Variants in CEP97 observed in about 807,000 individuals in gnomAD.
CEP97 encodes centrosomal protein 97.
A neutral mutation model predicts 73.1 loss-of-function variants in CEP97; 43 were observed. The observed-to-expected ratio is 0.59, with a 90% CI of 0.46 to 0.76. The LOEUF (loss-of-function observed/expected upper bound fraction) is 0.76, where lower values mean the gene tolerates loss of function less well. CEP97 is among the 30% of genes least tolerant of loss of function. The pLI is 0.00. For missense variants in CEP97, 939 were observed against 1,014.0 expected (o/e 0.93, Z 1.00); for synonymous variants, 337 against 370.0 (o/e 0.91, Z 1.02).
chr3:101,753,578 T>A (rs1358265500), intron 6 of CEP97, among the ~76,000 whole-genome samples: 1 of 152,248 alleles, frequency 6.6e-6, no homozygotes, highest in Non-Finnish European at 1.5e-5. Context: ...TTCCGGCTGC[T>A]TTGTTTACCT....
In CEP97 at chr3:101,758,373, G is replaced by T; in HGVS notation, c.1767G>T (p.Arg589=). Reference sequence around the variant, plus strand: ...CCAAAGATGTGCGTTACGAAATCCGGCTACGCAGAATGCAAGAGCACATTG... The same window carrying T: ...CCAAAGATGTGCGTTACGAAATCCGTCTACGCAGAATGCAAGAGCACATTG... The part of the protein sequence containing the change: ...PQAKDVRYEI[R]LRRMQEHIVC... The change falls in exon 9 of 11, where the codon CGG becomes CGT. Residue 589 remains arginine, a synonymous_variant. Transcript: ENST00000341893. 6.2e-7 allele frequency: 1 copy of T among 1,614,148 alleles called. No homozygotes were observed. Among genetic ancestry groups the T allele is most frequent in the Admixed American group, 1.7e-5 (1 of 60,022 alleles).
chr3:101,729,012 A>C, intron 4 of CEP97, 75 bp downstream of exon 4: 1 of 842,482 alleles, frequency 1.2e-6, no homozygotes, highest in Non-Finnish European at 2.0e-6. Context: ...CTGACCTAAA[A>C]TTAGCCTGCT....
At chr3:101,758,502 G>A (rs1465970399) in intron 9 of CEP97, 79 bp downstream of exon 9, 1 of 1,518,012 alleles carries the variant, frequency 6.6e-7, no homozygotes, top group Admixed American at 1.8e-5. Context: ...AGAACACTGT[G>A]CTTCTGTGAT....
chr3:101,764,949 C>T lies in CEP97; in HGVS notation c.1996C>T (p.Pro666Ser), dbSNP rs376746871. 6.2e-7 allele frequency: 1 copy of T among 1,614,042 alleles called. No homozygotes were observed. Among genetic ancestry groups the T allele is most frequent in the African/African-American group, 1.3e-5 (1 of 74,926 alleles). ...AAGTACTCTTGTGCCATCGAAACAT[C>T]CATTATTTACCCAAAGCCAGGAGTC... ...ISSTLVPSKH[P>S]LFTQSQESSC... Residue 666 changes from proline to serine, a missense_variant, in exon 11 of 11, where the codon CCA (proline) becomes TCA (serine). By Grantham distance (74) the Pro-to-Ser change is moderately conservative. Transcript: ENST00000341893.
intron 6 of CEP97, among the ~76,000 whole-genome samples, chr3:101,740,511 G>A (rs946113679): frequency 6.6e-6 from 1 of 151,664 alleles, no homozygotes; most frequent in African/African-American, 2.4e-5. Flanking sequence ...TGCATAGGAA[G>A]AATCAATATT....
At chr3:101,726,074 G>T (rs952625994) in intron 1 of CEP97, among the ~76,000 whole-genome samples, 1 of 152,156 alleles carries the variant, frequency 6.6e-6, no homozygotes, top group Non-Finnish European at 1.5e-5. Flanking sequence ...CCGGTGGCAG[G>T]AACGGGGCTA....
intron 6 of CEP97, among the ~76,000 whole-genome samples, chr3:101,743,889 A>G (rs570923311): frequency 2.6e-5 from 4 of 151,928 alleles, no homozygotes; most frequent in Non-Finnish European, 4.4e-5. Flanking sequence ...CTATAATCCC[A>G]GCTACTTGGG....
At chr3:101,739,762 C>T (rs369074639) in intron 6 of CEP97, among the ~76,000 whole-genome samples, 1 of 151,908 alleles carries the variant, frequency 6.6e-6, no homozygotes, top group Admixed American at 6.6e-5. Flanking sequence ...AAAAATTAGC[C>T]AGAGGTGGTG....
In CEP97 at chr3:101,755,427, C is replaced by T. The variant is rs200968628; in HGVS notation, c.729-3C>T. The stretch of plus-strand genomic sequence containing the variant: ...TCCTCTTTTTTATGTTCCCCAATTC[C>T]AGTTTGAAAGCTGAATGGCTCTATA... On this transcript the variant is annotated splice_polypyrimidine_tract_variant and splice_region_variant and intron_variant, in intron 6 of 10. Coordinates refer to ENST00000341893, the MANE Select transcript of CEP97 (RefSeq NM_024548.4). The T allele has an allele frequency of 3.1e-6, 5 of 1,613,492 alleles. No individual in the cohort carries two copies. The Middle Eastern group carries it at 4.9e-4, about 160-fold the overall frequency.
Position 101,732,642 on chromosome 3 carries a change from C to T in CEP97, c.716C>T (p.Ser239Phe), listed in dbSNP as rs1204708991. ...NLRVLDGYVISQKESLKAEWL... is the reference protein window; with the variant it reads ...NLRVLDGYVIFQKESLKAEWL... Reference sequence around the variant, plus strand: ...AGAGTCCTAGATGGATATGTGATTTCTCAGAAGGAAAGGTAAACATGTGCT... The same window carrying T: ...AGAGTCCTAGATGGATATGTGATTTTTCAGAAGGAAAGGTAAACATGTGCT... Residue 239 changes from serine (S) to phenylalanine (F), a missense_variant, in exon 6 of 11, where the codon TCT becomes TTT. Coordinates refer to ENST00000341893, the MANE Select transcript of CEP97 (RefSeq NM_024548.4). The T allele has an allele frequency of 4.4e-6, 7 of 1,605,330 alleles. No individual in the cohort carries two copies. Among genetic ancestry groups the T allele is most frequent in the Non-Finnish European group, 6.0e-6 (7 of 1,174,414 alleles).
rs1939380670 is a variant in CEP97 at position 101,768,739 on chromosome 3, A to G, written c.*3188A>G. On this transcript the variant is annotated 3_prime_UTR_variant, in exon 11 of 11. Coordinates refer to ENST00000341893, the MANE Select transcript of CEP97 (RefSeq NM_024548.4). ...GTCCATTTATTTGACGACAGGCAGTATGACAGGTTGCTGAGGTATATAAAA... is the reference window on the plus strand; with the variant it reads ...GTCCATTTATTTGACGACAGGCAGTGTGACAGGTTGCTGAGGTATATAAAA... 6.6e-6 allele frequency: 1 copy of G among 152,212 alleles called. No homozygotes were observed. The highest frequency in any genetic ancestry group is 2.4e-5 in the African/African-American group (1 of 41,450). 9.4% of individuals were successfully genotyped at this position (152,212 alleles called of 1,614,324 possible). A position where few individuals can be genotyped will look rare whatever the true frequency, so the allele number is the denominator to read the frequency against.
intron 6 of CEP97, among the ~76,000 whole-genome samples, chr3:101,751,615 T>C (rs1204332114): frequency 6.6e-6 from 1 of 152,244 alleles, no homozygotes; most frequent in Non-Finnish European, 1.5e-5. Context: ...GGTGCATATA[T>C]ATTTAGGATA....
Position 101,758,402 on chromosome 3 carries a change from G to C in CEP97, c.1796G>C (p.Cys599Ser). ...CGCAGAATGCAAGAGCACATTGTCTGCTTAACTGATGAAATAAGGAGGTGG... is the reference window on the plus strand; with the variant it reads ...CGCAGAATGCAAGAGCACATTGTCTCCTTAACTGATGAAATAAGGAGGTGG... The part of the protein sequence containing the change: ...RLRRMQEHIV[C>S]LTDEIRRLRK... Residue 599 changes from cysteine to serine, a missense_variant, in exon 9 of 11, where the codon TGC (cysteine) becomes TCC (serine). Coordinates refer to ENST00000341893, the MANE Select transcript of CEP97 (RefSeq NM_024548.4). 6.2e-7 allele frequency: 1 copy of C among 1,614,074 alleles called. No individual in the cohort carries two copies. The highest frequency in any genetic ancestry group is 8.5e-7 in the Non-Finnish European group (1 of 1,180,018).
At chr3:101,741,426 T>G (rs1419460436) in intron 6 of CEP97, among the ~76,000 whole-genome samples, 1 of 152,162 alleles carries the variant, frequency 6.6e-6, no homozygotes, top group Admixed American at 6.5e-5. Context: ...TAGGATCTAA[T>G]TAAACTAAAG....
In CEP97 at chr3:101,767,125, G is replaced by T. The variant is rs1478163122; in HGVS notation, c.*1574G>T. On this transcript the variant is annotated 3_prime_UTR_variant, in exon 11 of 11. Coordinates refer to ENST00000341893, the MANE Select transcript of CEP97 (RefSeq NM_024548.4). ...TGTTGATAGTCATAACATTTTTCCT[G>T]TATGGTAAGACGTATTTTTCTCAGT... 6.6e-6 allele frequency: 1 copy of T among 152,148 alleles called. No homozygotes were observed. The highest frequency in any genetic ancestry group is 1.5e-5 in the Non-Finnish European group (1 of 68,030). The allele number at this position is 152,148 out of a possible 1,614,324, so 9.4% of individuals were successfully genotyped here. A position where few individuals can be genotyped will look rare whatever the true frequency, so the allele number is the denominator to read the frequency against.
chr3:101,747,117 G>GT (rs1938641283), intron 6 of CEP97, among the ~76,000 whole-genome samples: 1 of 150,112 alleles, frequency 6.7e-6, no homozygotes, highest in Admixed American at 6.7e-5. Flanking sequence ...GGAAGTCAGT[G>GT]TGGCGATTCC....
intron 6 of CEP97, among the ~76,000 whole-genome samples, chr3:101,740,399 C>A (rs1348271786): frequency 1.3e-5 from 2 of 152,106 alleles, no homozygotes; most frequent in African/African-American, 2.4e-5. Context: ...CCTAGGAATA[C>A]AACTTACAAG....
At position 101,761,375 on chromosome 3, in the gene CEP97, T is replaced by C. The variant is rs149069888; in HGVS notation, c.1818-1110T>C. ...GGGTGAGACTATGAGAATGGGTGACTGACATGGGGTGGATTATTGTTAGAG... is the reference window on the plus strand; with the variant it reads ...GGGTGAGACTATGAGAATGGGTGACCGACATGGGGTGGATTATTGTTAGAG... On this transcript the variant is annotated intron_variant, in intron 9 of 10. Coordinates refer to ENST00000341893, the MANE Select transcript of CEP97 (RefSeq NM_024548.4). 4.2e-3 allele frequency among the ~76,000 whole-genome samples: 640 copies of C among 152,268 alleles called. 4 individuals carry two copies. Among genetic ancestry groups the C allele is most frequent in the African/African-American group, 0.015 (619 of 41,560 alleles).
intron 6 of CEP97, among the ~76,000 whole-genome samples, chr3:101,752,967 G>C (rs1443649060): frequency 1.3e-5 from 2 of 152,170 alleles, no homozygotes; most frequent in African/African-American, 2.4e-5. Context: ...GAGGAGAGGT[G>C]CTCTGGTTTT....
Sources: allele counts gnomAD v4.1 joint callset (sites outside exome capture counted in the v4.1 genomes callset), GRCh38; gene constraint gnomAD v4.1.1; transcripts MANE v1.5; gene names NCBI Gene and HGNC (gene_info 2026-07-23, HGNC 2026-07-21).